CNGA4: variants seen among roughly 807,000 people sequenced by gnomAD.
CNGA4 encodes cyclic nucleotide-gated channel alpha-4.
A neutral mutation model predicts 45.6 loss-of-function variants in CNGA4; 32 were observed. That is an observed-to-expected ratio of 0.70 (90% CI 0.53 to 0.94). CNGA4 has a LOEUF of 0.94. CNGA4 is among the 40% of genes least tolerant of loss of function. CNGA4 has a pLI of 0.00. For synonymous variants in CNGA4, 293 were observed against 304.6 expected (o/e 0.96, Z 0.40); for missense variants, 726 against 755.1 (o/e 0.96, Z 0.45).
rs372711514 is a variant in CNGA4 at position 6,240,579 on chromosome 11, T to A, written c.785T>A (p.Met262Lys). Residue 262 changes from methionine to lysine, a missense_variant, in exon 4 of 6, where the codon ATG becomes AAG. Met to Lys is a moderately conservative substitution (Grantham distance 95). Transcript: ENST00000379936. The surrounding 1 kb of genome is among the most constrained non-coding windows in gnomAD (Gnocchi z 4.9). ...LLAVMGFATI[M>K]GSMSSVIYNM... ...GCCGTCATGGGTTTCGCCACCATCATGGGTAGCATGAGCTCTGTCATCTAC... is the reference window on the plus strand; with the variant it reads ...GCCGTCATGGGTTTCGCCACCATCAAGGGTAGCATGAGCTCTGTCATCTAC... The A allele has an allele frequency of 2.0e-4, 328 of 1,614,226 alleles. No homozygotes were observed. Among genetic ancestry groups the A allele is most frequent in the Admixed American group, 5.7e-4 (34 of 60,034 alleles).
intron 5 of CNGA4, among the ~76,000 whole-genome samples, chr11:6,243,100 C>T (rs1847939757): frequency 6.6e-6 from 1 of 152,196 alleles, no homozygotes; most frequent in East Asian, 1.9e-4. Context: ...TTTCTACCCC[C>T]TTCCCTCTGT....
chr11:6,243,986 G>C lies in CNGA4; in HGVS notation c.1305G>C (p.Lys435Asn). The C allele has an allele frequency of 6.2e-7, 1 of 1,614,036 alleles. No individual in the cohort carries two copies. The change falls in exon 6 of 6, where the codon AAG becomes AAC. Residue 435 changes from lysine to asparagine, a missense_variant. Lys to Asn is a moderately conservative substitution (Grantham distance 94). Transcript: ENST00000379936. ...MSGNRRTANI[K>N]SLGYSDLFCL... is the part of the protein sequence containing the mutation. ...GGAACCGCCGCACAGCCAACATCAA[G>C]AGCCTAGGTTATTCAGACCTATTCT...
chr11:6,239,295 G>A (rs1847875731), intron 1 of CNGA4, 27 bp downstream of exon 1: 4 of 1,613,362 alleles, frequency 2.5e-6, no homozygotes, highest in Non-Finnish European at 3.4e-6. Context: ...CCTTGTGTGG[G>A]ATCTCTCCTC....
chr11:6,243,776 A>G (rs1847949625), intron 5 of CNGA4, among the ~76,000 whole-genome samples, 173 bp from the exon 6 acceptor site: 1 of 152,142 alleles, frequency 6.6e-6, no homozygotes, highest in Non-Finnish European at 1.5e-5. Flanking sequence ...GGTCACTGAT[A>G]CCTACCCAGC....
At chr11:6,236,174 A>G (rs1335191328), upstream of CNGA4, among the ~76,000 whole-genome samples, 2 of 152,256 alleles carry the variant, frequency 1.3e-5, no homozygotes, top group Non-Finnish European at 2.9e-5. Context: ...TACCAGGGAA[A>G]GGAAGAATGG....
upstream of CNGA4, among the ~76,000 whole-genome samples, chr11:6,236,756 G>A (rs949301455): frequency 5.3e-5 from 8 of 152,122 alleles, no homozygotes; most frequent in Non-Finnish European, 8.8e-5. Context: ...CTTTCTCTGT[G>A]TTTGTTTGTT....
At chr11:6,243,880 T>G (rs1847950792) in intron 5 of CNGA4, 69 bp from the exon 6 acceptor site, 1 of 1,420,282 alleles carries the variant, frequency 7.0e-7, no homozygotes, top group South Asian at 1.3e-5. Flanking sequence ...AAGGTCCTGG[T>G]TCAGGAGTGA....
chr11:6,242,815 C>T (rs1302771838), intron 5 of CNGA4, among the ~76,000 whole-genome samples: 1 of 152,154 alleles, frequency 6.6e-6, no homozygotes, highest in African/African-American at 2.4e-5. Flanking sequence ...TTCCCTTGTC[C>T]AAGGTCCTTC....
At chr11:6,238,048 C>T (rs967935647), upstream of CNGA4, among the ~76,000 whole-genome samples, 4 of 152,202 alleles carry the variant, frequency 2.6e-5, no homozygotes, top group African/African-American at 7.2e-5. Flanking sequence ...TGCATTCTGC[C>T]TCTAGTGCTC....
chr11:6,239,282 G>A lies in CNGA4; in HGVS notation c.62+14G>A. On this transcript the variant is annotated intron_variant, in intron 1 of 5. Coordinates refer to ENST00000379936, the MANE Select transcript of CNGA4 (RefSeq NM_001037329.4). Reference sequence around the variant, plus strand: ...ATCCAAGGCCAGGTGAGAAGTCCTGGTCCCTTGTGTGGGATCTCTCCTCAT... The same window carrying A: ...ATCCAAGGCCAGGTGAGAAGTCCTGATCCCTTGTGTGGGATCTCTCCTCAT... 6.2e-7 allele frequency: 1 copy of A among 1,614,022 alleles called. No homozygotes were observed. The highest frequency in any genetic ancestry group is 8.5e-7 in the Non-Finnish European group (1 of 1,179,844).
Position 6,239,750 on chromosome 11 carries a change from C to A in CNGA4, c.231C>A (p.Asp77Glu), listed in dbSNP as rs1174612962. ...VAWLVLDYTS[D>E]LLYLLDMVVR... ...GGTTGGTGCTGGACTACACGAGTGA[C>A]CTGCTATACCTACTAGACATGGTGG... is the stretch of plus-strand genomic sequence containing the variant. The change falls in exon 3 of 6, where the codon GAC (aspartate) becomes GAA (glutamate). Residue 77 changes from aspartate to glutamate, a missense_variant. Physicochemically the swap from Asp to Glu is conservative, Grantham distance 45. Coordinates refer to ENST00000379936, the MANE Select transcript of CNGA4 (RefSeq NM_001037329.4). The A allele has an allele frequency of 1.2e-6, 2 of 1,614,156 alleles. No homozygotes were observed. Among genetic ancestry groups the A allele is most frequent in the Non-Finnish European group, 8.5e-7 (1 of 1,180,006 alleles).
At position 6,240,484 on chromosome 11, in the gene CNGA4, TA is replaced by T. The variant is rs1205545908; in HGVS notation, c.691del (p.Thr231GlnfsTer35). 4 of 1,614,166 alleles carry T rather than the reference TA, an allele frequency of 2.5e-6. No homozygotes were observed. The highest frequency in any genetic ancestry group is 1.7e-6 in the Non-Finnish European group (2 of 1,180,028). The stretch of plus-strand genomic sequence containing the variant: ...TTTACTTCTCCACGCTGATACTGAC[TA>T]CAGTGGGCGATACACCGCCGCCAGC... ...SFYFSTLILT[T>X]VGDTPPPARE... On this transcript the variant is annotated frameshift_variant, in exon 4 of 6. Transcript: ENST00000379936. LOFTEE classifies it high-confidence loss of function. The surrounding 1 kb of genome is among the most constrained non-coding windows in gnomAD (Gnocchi z 4.9).
In CNGA4 at chr11:6,241,449, C is replaced by T. The variant is rs753385227; in HGVS notation, c.936C>T (p.Ile312=). The T allele has an allele frequency of 6.3e-7, 1 of 1,585,544 alleles. No individual in the cohort carries two copies. Among genetic ancestry groups the T allele is most frequent in the Non-Finnish European group, 8.6e-7 (1 of 1,162,494 alleles). ...RVIDWYQHLQ[I]NKKMTNEVAI... ...CTCTCAGGTATCAGCACCTGCAGAT[C>T]AACAAGAAGATGACCAACGAGGTAG... is the stretch of plus-strand genomic sequence containing the variant. The change falls in exon 5 of 6, where the codon ATC becomes ATT. Residue 312 remains isoleucine (I), a synonymous_variant. Transcript: ENST00000379936.
In CNGA4 at chr11:6,240,381, T is replaced by C; in HGVS notation, c.587T>C (p.Phe196Ser). The C allele has an allele frequency of 6.2e-7, 1 of 1,614,224 alleles. No homozygotes were observed. The highest frequency in any genetic ancestry group is 8.5e-7 in the Non-Finnish European group (1 of 1,180,032). ...TTTGCCCTATCCCGGTACCTGGGCT[T>C]CGGGCGTGACGCATGGGTGTACCCG... ...LYFALSRYLG[F>S]GRDAWVYPDP... Residue 196 changes from phenylalanine to serine, a missense_variant, in exon 4 of 6, where the codon TTC (phenylalanine) becomes TCC (serine). Coordinates refer to ENST00000379936, the MANE Select transcript of CNGA4 (RefSeq NM_001037329.4). The surrounding 1 kb of genome is among the most constrained non-coding windows in gnomAD (Gnocchi z 4.9).
chr11:6,240,769 G>C lies in CNGA4; in HGVS notation c.917+58G>C. 6.4e-7 allele frequency: 1 copy of C among 1,560,610 alleles called. No individual in the cohort carries two copies. The highest frequency in any genetic ancestry group is 8.7e-7 in the Non-Finnish European group (1 of 1,148,252). Reference sequence around the variant, plus strand: ...ACCAGTGTAGGTGATGGAACCTGAGGGAGGTAACTGGGTCCTTAGTGCCTG... The same window carrying C: ...ACCAGTGTAGGTGATGGAACCTGAGCGAGGTAACTGGGTCCTTAGTGCCTG... On this transcript the variant is annotated intron_variant, in intron 4 of 5. Transcript: ENST00000379936. The surrounding 1 kb of genome is among the most constrained non-coding windows in gnomAD (Gnocchi z 4.9).
Position 6,243,989 on chromosome 11 carries a change from C to G in CNGA4, c.1308C>G (p.Ser436Arg), listed in dbSNP as rs761681477. 10 of 1,614,028 alleles carry G rather than the reference C, an allele frequency of 6.2e-6. No individual in the cohort carries two copies. Among genetic ancestry groups the G allele is most frequent in the Non-Finnish European group, 2.5e-6 (3 of 1,180,012 alleles). Residue 436 changes from serine to arginine, a missense_variant, in exon 6 of 6, where the codon AGC (serine) becomes AGG (arginine). Ser to Arg is a moderately radical substitution (Grantham distance 110, BLOSUM62 -1). Transcript: ENST00000379936. ...ACCGCCGCACAGCCAACATCAAGAG[C>G]CTAGGTTATTCAGACCTATTCTGCC... ...SGNRRTANIK[S>R]LGYSDLFCLS...
chr11:6,238,667 G>A (rs1406322019), upstream of CNGA4, among the ~76,000 whole-genome samples: 3 of 152,188 alleles, frequency 2.0e-5, no homozygotes, highest in Non-Finnish European at 2.9e-5. Context: ...TACAAAAATA[G>A]AGCTCACTTC....
At chr11:6,239,564 G>A in intron 2 of CNGA4, 79 bp downstream of exon 2, 1 of 1,565,252 alleles carries the variant, frequency 6.4e-7, no homozygotes, top group South Asian at 1.1e-5. Flanking sequence ...GCAGACCCTT[G>A]GTGGGGCAGG....
chr11:6,240,332 A>G lies in CNGA4; in HGVS notation c.538A>G (p.Ile180Val). The change falls in exon 4 of 6, where the codon ATC (isoleucine) becomes GTC (valine). Residue 180 changes from isoleucine to valine, a missense_variant. Physicochemically the swap from Ile to Val is conservative, Grantham distance 29. Transcript: ENST00000379936. This position sits in a 1 kb window ranked among gnomAD's most constrained non-coding sequence, Gnocchi z 4.9. ...GCTGATGCTTTACATTTTTGTCGTC[A>G]TCCATTGGAACAGCTGCCTATACTT... The part of the protein sequence containing the change: ...AKLMLYIFVV[I>V]HWNSCLYFAL... 1 of 1,614,156 alleles carries G rather than the reference A, an allele frequency of 6.2e-7. No individual in the cohort carries two copies. The highest frequency in any genetic ancestry group is 8.5e-7 in the Non-Finnish European group (1 of 1,180,032).
Sources: allele counts gnomAD v4.1 joint callset (sites outside exome capture counted in the v4.1 genomes callset), GRCh38; gene constraint gnomAD v4.1.1; non-coding constraint Gnocchi (gnomAD v3.1); transcripts MANE v1.5; gene names NCBI Gene and HGNC (gene_info 2026-07-23, HGNC 2026-07-21).